MGLL: variants seen among roughly 807,000 people sequenced by gnomAD.
MGLL encodes the protein monoglyceride lipase, also known as lysophospholipase homolog.
In MGLL, 7 loss-of-function variants were observed where a neutral mutation model predicts 29.1. That is an observed-to-expected ratio of 0.24 (90% CI 0.14 to 0.45). MGLL has a LOEUF of 0.45. Among genes scored for constraint, MGLL ranks in the 20% least tolerant of loss-of-function variants. MGLL has a pLI of 0.99. For synonymous variants in MGLL, 148 were observed against 168.3 expected (o/e 0.88, Z 0.93); for missense variants, 356 against 413.6 (o/e 0.86, Z 1.21).
intron 3 of MGLL, 83 bp downstream of exon 3, chr3:127,781,706 T>C: frequency 3.3e-6 from 4 of 1,197,018 alleles, no homozygotes; most frequent in Non-Finnish European, 5.0e-6. Flanking sequence ...TTGAGAAGGA[T>C]GCTGGCAGTG....
intron 2 of MGLL, among the ~76,000 whole-genome samples, chr3:127,797,718 C>G (rs2077408502): frequency 6.6e-6 from 1 of 152,190 alleles, no homozygotes; most frequent in Non-Finnish European, 1.5e-5. Context: ...AGCGGTCCTC[C>G]CACCTCAGCC....
At position 127,822,298 on chromosome 3, in the gene MGLL, A is replaced by G. The variant is rs1253603277; in HGVS notation, c.10+11T>C. The G allele has an allele frequency of 1.2e-6, 2 of 1,612,282 alleles. No homozygotes were observed. The highest frequency in any genetic ancestry group is 1.7e-5 in the Admixed American group (1 of 60,016). On this transcript the variant is annotated intron_variant, in intron 1 of 7. Transcript: ENST00000265052. ...TCCTCCCATCTGAAATTCCAAGGAT[A>G]CATGACAAACCTGTTTCCATTATGT...
At chr3:127,731,390 T>C (rs1428659299) in intron 3 of MGLL, among the ~76,000 whole-genome samples, 1 of 151,548 alleles carries the variant, frequency 6.6e-6, no homozygotes, top group African/African-American at 2.4e-5. Context: ...GAACCCTGCT[T>C]TGCAGACTTT....
intron 3 of MGLL, among the ~76,000 whole-genome samples, chr3:127,743,654 G>A (rs532460982): frequency 3.0e-4 from 45 of 150,432 alleles, no homozygotes; most frequent in Admixed American, 7.9e-4. Context: ...GGTAGAAGGG[G>A]CCGGAGAGGC....
intron 2 of MGLL, among the ~76,000 whole-genome samples, chr3:127,790,681 C>T (rs748139990): frequency 1.3e-5 from 2 of 152,210 alleles, no homozygotes; most frequent in East Asian, 1.9e-4. Context: ...ACTGCCCTTA[C>T]GGAAGTCGCA....
At position 127,738,674 on chromosome 3, in the gene MGLL, AT is replaced by A. The variant is rs546255516; in HGVS notation, c.263-16109del. Among the ~76,000 whole-genome samples the A allele has an allele frequency of 4.0e-4, 61 of 152,302 alleles. No individual in the cohort carries two copies. In the South Asian group the frequency reaches 0.012, roughly 31 times the overall value. On this transcript the variant is annotated intron_variant, in intron 3 of 7. Transcript: ENST00000265052. The stretch of plus-strand genomic sequence containing the variant: ...CTGGGCACACTGCTCAGCTTCCAGC[AT>A]GGGGGAGAAGGCCAGTCCAGCCCCT...
At chr3:127,721,866 C>T (rs372990867) in intron 4 of MGLL, among the ~76,000 whole-genome samples, 1 of 66,890 alleles carries the variant, frequency 1.5e-5, no homozygotes, top group African/African-American at 3.3e-5. Flanking sequence ...CCTGCTTTGT[C>T]TGTAGGTAGA....
intron 5 of MGLL, chr3:127,715,842 G>T (rs2075803848): frequency 2.2e-6 from 1 of 456,194 alleles, no homozygotes. Context: ...CCTCAGAGGG[G>T]AGTTGCTCAC....
intron 3 of MGLL, among the ~76,000 whole-genome samples, chr3:127,723,561 C>G (rs186127584): frequency 2.6e-5 from 4 of 152,046 alleles, no homozygotes; most frequent in Admixed American, 6.5e-5. Context: ...GTCGCCCCCC[C>G]ACGGTCTGTC....
intron 3 of MGLL, among the ~76,000 whole-genome samples, chr3:127,723,256 C>T (rs561730654): frequency 2.0e-5 from 3 of 152,346 alleles, no homozygotes; most frequent in South Asian, 2.1e-4. Flanking sequence ...AAACAACTCA[C>T]TGGCTGTGGC....
intron 3 of MGLL, among the ~76,000 whole-genome samples, chr3:127,755,938 T>C (rs1040065519): frequency 6.6e-6 from 1 of 152,206 alleles, no homozygotes; most frequent in African/African-American, 2.4e-5. Context: ...GCAATGTGCT[T>C]GGGCAGAGCA....
Position 127,803,462 on chromosome 3 carries a change from G to A in MGLL, c.155+18232C>T, listed in dbSNP as rs545250657. On this transcript the variant is annotated intron_variant, in intron 2 of 7. Transcript: ENST00000265052. ...ACCAGCCTCACAGCAAACCATGGCCGATGCTGGTGCACTCACACCATATGG... is the reference window on the plus strand; with the variant it reads ...ACCAGCCTCACAGCAAACCATGGCCAATGCTGGTGCACTCACACCATATGG... Among the ~76,000 whole-genome samples the A allele has an allele frequency of 2.6e-5, 4 of 152,300 alleles. No individual in the cohort carries two copies. In the South Asian group the frequency reaches 6.2e-4, roughly 24 times the overall value.
intron 3 of MGLL, among the ~76,000 whole-genome samples, chr3:127,766,401 C>T (rs1559955895): frequency 6.6e-6 from 1 of 152,204 alleles, no homozygotes; most frequent in Non-Finnish European, 1.5e-5. Flanking sequence ...TAGACACGCA[C>T]CTTATTGAAA....
intron 6 of MGLL, among the ~76,000 whole-genome samples, chr3:127,698,880 T>C (rs2075423689): frequency 6.6e-6 from 1 of 152,208 alleles, no homozygotes; most frequent in Non-Finnish European, 1.5e-5. Context: ...GCCACCTTCC[T>C]GTTTGGCTCA....
chr3:127,811,508 T>C (rs191041614), intron 2 of MGLL, among the ~76,000 whole-genome samples: 98 of 152,284 alleles, frequency 6.4e-4, no homozygotes, highest in African/African-American at 2.2e-3. Context: ...TACAAATATA[T>C]TTTCCCCCAT....
At chr3:127,742,136 T>C (rs1203686066) in intron 3 of MGLL, among the ~76,000 whole-genome samples, 1 of 152,240 alleles carries the variant, frequency 6.6e-6, no homozygotes, top group Admixed American at 6.5e-5. Flanking sequence ...AAAATGCTTT[T>C]CAACTTGACA....
chr3:127,799,905 T>C (rs2077447331), intron 2 of MGLL, among the ~76,000 whole-genome samples: 1 of 152,226 alleles, frequency 6.6e-6, no homozygotes, highest in Non-Finnish European at 1.5e-5. Flanking sequence ...AACTGCATTC[T>C]CTCTTCTGTA....
chr3:127,748,393 GGAGAGAGAGAGAGAAAGAGAGA>G (rs1416188880), intron 3 of MGLL, among the ~76,000 whole-genome samples: 7 of 146,900 alleles, frequency 4.8e-5, no homozygotes, highest in Admixed American at 2.7e-4. Flanking sequence ...AGGGAGGGAG[GGAGAGAGAGAGAGAAAGAGAGA>G]GAGAGAGAGA....
chr3:127,769,439 C>A (rs2076913071), intron 3 of MGLL, among the ~76,000 whole-genome samples: 2 of 152,166 alleles, frequency 1.3e-5, no homozygotes, highest in African/African-American at 4.8e-5. Context: ...TTCAAAAGTT[C>A]AACTAACCTG....
Sources: allele counts gnomAD v4.1 joint callset (sites outside exome capture counted in the v4.1 genomes callset), GRCh38; gene constraint gnomAD v4.1.1; transcripts MANE v1.5; gene names NCBI Gene and HGNC (gene_info 2026-07-23, HGNC 2026-07-21).